The following AGBL1 variants were observed in gnomAD, a reference collection of about 807,000 sequenced individuals.
The protein encoded by AGBL1 is AGBL carboxypeptidase 1, also known as cytosolic carboxypeptidase 4.
Under a neutral mutation model 118.9 loss-of-function variants are expected in AGBL1, and 130 were observed. The observed-to-expected ratio is 1.09, with a 90% CI of 0.95 to 1.26. The LOEUF is 1.26. Among genes scored for constraint, AGBL1 ranks in the 50% most tolerant of loss-of-function variants. The probability of loss-of-function intolerance (pLI) is 0.00; values close to 1 mark genes in which losing one functional copy is unlikely to be tolerated. For missense variants in AGBL1, 1,584 were observed against 1,298.1 expected (o/e 1.22, Z -3.38); for synonymous variants, 555 against 478.9 (o/e 1.16, Z -2.08).
At chr15:86,980,849 C>T (rs2141720880) in intron 23 of AGBL1, among the ~76,000 whole-genome samples, 1 of 150,158 alleles carries the variant, frequency 6.7e-6, no homozygotes, top group South Asian at 2.1e-4. Flanking sequence ...GCTTTATCTA[C>T]TGTCTACTAA....
At chr15:86,763,445 C>G (rs1297368718) in intron 22 of AGBL1, among the ~76,000 whole-genome samples, 1 of 151,840 alleles carries the variant, frequency 6.6e-6, no homozygotes, top group African/African-American at 2.4e-5. Context: ...AAATTATACT[C>G]ACTTTAGTGA....
intron 17 of AGBL1, among the ~76,000 whole-genome samples, chr15:86,337,122 G>C (rs2080383122): frequency 6.6e-6 from 1 of 152,216 alleles, no homozygotes. Flanking sequence ...TGTATTCCCA[G>C]TGCCTCTCTC....
intron 17 of AGBL1, among the ~76,000 whole-genome samples, chr15:86,339,787 T>G (rs7182241): frequency 6.6e-6 from 1 of 151,828 alleles, no homozygotes; most frequent in Non-Finnish European, 1.5e-5. Flanking sequence ...GCCAACATGA[T>G]GAAACCCCGT....
At chr15:86,806,655 T>C (rs115937009) in intron 22 of AGBL1, among the ~76,000 whole-genome samples, 1,604 of 152,084 alleles carry the variant, frequency 0.011, 28 homozygotes, top group African/African-American at 0.037. Context: ...AATAATACTA[T>C]CTCAGAGGGT....
rs191612229 is a variant in AGBL1, at chr15:86,727,421, T to A, written c.3158+52985T>A. ...GGAAAGAGATATCATTAATTTTTTT[T>A]AAATTTTAGTTTGATTCCCATTCTA... On this transcript the variant is annotated intron_variant, in intron 22 of 22. Transcript: ENST00000614907. Among the ~76,000 whole-genome samples, 936 of 152,298 alleles carry A rather than the reference T, an allele frequency of 6.1e-3. 8 individuals are homozygous for A. The highest frequency in any genetic ancestry group is 0.021 in the African/African-American group (881 of 41,554).
intron 17 of AGBL1, among the ~76,000 whole-genome samples, chr15:86,346,576 C>T (rs550754006): frequency 6.6e-6 from 1 of 152,112 alleles, no homozygotes; most frequent in East Asian, 1.9e-4. Flanking sequence ...GTCTCGATCT[C>T]CTGACCTCAT....
At chr15:86,977,391 GTT>G (rs201674525) in intron 23 of AGBL1, among the ~76,000 whole-genome samples, 2 of 144,084 alleles carry the variant, frequency 1.4e-5, no homozygotes, top group African/African-American at 2.5e-5. Context: ...CTTTATTAAA[GTT>G]TTTTTTTTTA....
At chr15:86,695,078 G>A (rs11073656) in intron 22 of AGBL1, among the ~76,000 whole-genome samples, 69,743 of 151,726 alleles carry the variant, frequency 0.46, 16,636 homozygotes, top group East Asian at 0.7. Context: ...GTCTTTTCCC[G>A]GTTTGGGCAT....
intron 5 of AGBL1, among the ~76,000 whole-genome samples, chr15:86,162,647 A>G (rs546778921): frequency 1.4e-3 from 215 of 152,294 alleles, no homozygotes; most frequent in Non-Finnish European, 2.3e-3. Context: ...CATGAGTCCC[A>G]TGCTAGTGGG....
At chr15:86,607,435 G>A (rs1257580074) in intron 21 of AGBL1, among the ~76,000 whole-genome samples, 9 of 152,154 alleles carry the variant, frequency 5.9e-5, no homozygotes, top group Non-Finnish European at 1.2e-4. Flanking sequence ...TGGGTAAATG[G>A]CAAGGAATGG....
chr15:86,587,509 G>T (rs1401757792), intron 21 of AGBL1, among the ~76,000 whole-genome samples: 2 of 152,150 alleles, frequency 1.3e-5, no homozygotes, highest in Non-Finnish European at 2.9e-5. Context: ...GGGAAAGTGG[G>T]TCTAATTCTA....
At chr15:86,765,723 C>T (rs541039395) in intron 22 of AGBL1, among the ~76,000 whole-genome samples, 1 of 151,830 alleles carries the variant, frequency 6.6e-6, no homozygotes. Flanking sequence ...TTAAAAACAT[C>T]TCTGTCATGG....
chr15:86,421,209 G>C (rs946519510), intron 18 of AGBL1, among the ~76,000 whole-genome samples: 8 of 152,260 alleles, frequency 5.3e-5, no homozygotes, highest in African/African-American at 1.4e-4. Context: ...AGGGCAGCCA[G>C]AGAGAAAGGG....
chr15:86,153,000 G>C (rs1444069608), intron 3 of AGBL1, among the ~76,000 whole-genome samples: 2 of 152,156 alleles, frequency 1.3e-5, no homozygotes, highest in Non-Finnish European at 2.9e-5. Context: ...TCATTAAAAA[G>C]TCAGGAAACA....
intron 1 of AGBL1, among the ~76,000 whole-genome samples, chr15:86,097,579 C>G (rs1482303962): frequency 6.7e-6 from 1 of 149,948 alleles, no homozygotes; most frequent in Non-Finnish European, 1.5e-5. Context: ...CGAGAACATG[C>G]AATATTTGTC....
intron 22 of AGBL1, among the ~76,000 whole-genome samples, chr15:86,857,793 G>T (rs751555495): frequency 1.2e-4 from 18 of 152,292 alleles, no homozygotes; most frequent in African/African-American, 3.8e-4. Context: ...AACCTAGAAG[G>T]TCTCAATAAA....
intron 6 of AGBL1, among the ~76,000 whole-genome samples, chr15:86,236,505 G>A (rs1254334655): frequency 1.3e-5 from 2 of 152,146 alleles, no homozygotes; most frequent in African/African-American, 4.8e-5. Flanking sequence ...CATATCGAGA[G>A]TGATAGGAGT....
chr15:86,283,598 GAA>G (rs914293480), intron 16 of AGBL1, among the ~76,000 whole-genome samples: 6 of 152,104 alleles, frequency 3.9e-5, no homozygotes, highest in African/African-American at 1.4e-4. Flanking sequence ...CAGAATAAAT[GAA>G]GAGTTTAAGA....
chr15:86,536,553 C>T (rs935273419), intron 19 of AGBL1, among the ~76,000 whole-genome samples: 2 of 152,184 alleles, frequency 1.3e-5, no homozygotes, highest in Non-Finnish European at 2.9e-5. Context: ...TCATGATCTG[C>T]CCGCCTCGGC....
Sources: allele counts gnomAD v4.1 joint callset (sites outside exome capture counted in the v4.1 genomes callset), GRCh38; gene constraint gnomAD v4.1.1; transcripts MANE v1.5; gene names NCBI Gene and HGNC (gene_info 2026-07-23, HGNC 2026-07-21).